The following BCKDHB variants were observed in gnomAD, a reference collection of about 807,000 sequenced individuals.
BCKDHB encodes branched chain keto acid dehydrogenase E1 subunit beta, also known as 2-oxoisovalerate dehydrogenase subunit beta, mitochondrial.
Under a neutral mutation model 48.5 loss-of-function variants are expected in BCKDHB, and 41 were observed. The observed-to-expected ratio is 0.85, with a 90% CI of 0.66 to 1.10. BCKDHB has a LOEUF of 1.10. Among genes scored for constraint, BCKDHB ranks in the 50% least tolerant of loss-of-function variants. The pLI is 0.00. For missense variants in BCKDHB, 496 were observed against 494.2 expected (o/e 1.00, Z -0.03); for synonymous variants, 201 against 174.8 (o/e 1.15, Z -1.18).
chr6:80,347,367 A>C (rs9361603), downstream of BCKDHB, among the ~76,000 whole-genome samples: 31,314 of 152,126 alleles, frequency 0.21, 3,736 homozygotes, highest in South Asian at 0.37. Flanking sequence ...TAAGATGCCA[A>C]AACTCAGTAT....
chr6:80,188,518 A>C (rs1773751623), intron 6 of BCKDHB, among the ~76,000 whole-genome samples: 1 of 152,070 alleles, frequency 6.6e-6, no homozygotes, highest in African/African-American at 2.4e-5. Flanking sequence ...GTACTCCCAT[A>C]GTGCCAGATT....
the BCKDHB span, among the ~76,000 whole-genome samples, chr6:80,367,490 T>G: frequency 6.6e-6 from 1 of 152,220 alleles, no homozygotes; most frequent in Non-Finnish European, 1.5e-5. Context: ...TTTCACTTAC[T>G]GATATGCACA....
intron 1 of BCKDHB, among the ~76,000 whole-genome samples, chr6:80,113,640 A>C (rs1480898242): frequency 1.3e-5 from 2 of 152,238 alleles, no homozygotes; most frequent in Non-Finnish European, 2.9e-5. Flanking sequence ...TGGCTTTCCA[A>C]AATACGTTAC....
At position 80,131,682 on chromosome 6, in the gene BCKDHB, G is replaced by A. The variant is rs188680517; in HGVS notation, c.343+2453G>A. ...TTTTGAGATGGAGTCTCGCTCTATC[G>A]CCCAGGCTGGAGTGCAGTGGTGCGA... On this transcript the variant is annotated intron_variant, in intron 3 of 9. Coordinates refer to ENST00000320393, the MANE Select transcript of BCKDHB (RefSeq NM_183050.4). Among the ~76,000 whole-genome samples, 268 of 150,138 alleles carry A rather than the reference G, an allele frequency of 1.8e-3. 1 individual carries two copies. Among genetic ancestry groups the A allele is most frequent in the African/African-American group, 6.2e-3 (254 of 40,734 alleles).
chr6:80,136,663 C>A (rs529381731), intron 3 of BCKDHB, among the ~76,000 whole-genome samples: 27 of 151,906 alleles, frequency 1.8e-4, no homozygotes, highest in African/African-American at 6.0e-4. Context: ...GGAAAAAAGG[C>A]AGTTCACAGA....
At chr6:80,109,757 G>T (rs1426376172) in intron 1 of BCKDHB, among the ~76,000 whole-genome samples, 1 of 152,096 alleles carries the variant, frequency 6.6e-6, no homozygotes, top group Non-Finnish European at 1.5e-5. Context: ...TACGATTATT[G>T]CATAGCTGCT....
At chr6:80,456,472 G>C in the BCKDHB span, among the ~76,000 whole-genome samples, 1 of 152,102 alleles carries the variant, frequency 6.6e-6, no homozygotes, top group South Asian at 2.1e-4. Context: ...TTAGCTGGTT[G>C]CCACTTAATC....
At chr6:80,367,074 A>G in the BCKDHB span, among the ~76,000 whole-genome samples, 1 of 152,136 alleles carries the variant, frequency 6.6e-6, no homozygotes, top group Admixed American at 6.6e-5. Flanking sequence ...TTCCCCTTCC[A>G]TTTATTGATC....
intron 8 of BCKDHB, among the ~76,000 whole-genome samples, chr6:80,233,786 A>T (rs916681880): frequency 6.6e-5 from 10 of 152,200 alleles, no homozygotes; most frequent in Admixed American, 2.6e-4. Context: ...GACTTCTAAA[A>T]GGAGCTATGA....
At chr6:80,379,752 C>T in the BCKDHB span, among the ~76,000 whole-genome samples, 134 of 111,472 alleles carry the variant, frequency 1.2e-3, 1 homozygote, top group African/African-American at 4.0e-3. Flanking sequence ...GTAAAGTCTC[C>T]GGATACGAAA....
At chr6:80,266,446 A>G (rs1777517471) in intron 8 of BCKDHB, among the ~76,000 whole-genome samples, 1 of 152,068 alleles carries the variant, frequency 6.6e-6, no homozygotes, top group African/African-American at 2.4e-5. Flanking sequence ...CTATTTACCC[A>G]TGTTTAACTA....
chr6:80,412,339 G>A, the BCKDHB span, among the ~76,000 whole-genome samples: 2 of 151,822 alleles, frequency 1.3e-5, no homozygotes, highest in East Asian at 3.9e-4. Context: ...TAGAGATGGG[G>A]TTTCACCATG....
intron 9 of BCKDHB, among the ~76,000 whole-genome samples, chr6:80,322,255 TGGTGACGGAGTCGCAC>T (rs1562228835): frequency 1.7e-4 from 23 of 131,560 alleles, no homozygotes; most frequent in Non-Finnish European, 1.6e-4. Context: ...TTTTTTTTTT[TGGTGACGGAGTCGCAC>T]TTTGTTGCCC....
At chr6:80,376,704 A>G in the BCKDHB span, among the ~76,000 whole-genome samples, 2 of 152,228 alleles carry the variant, frequency 1.3e-5, no homozygotes, top group African/African-American at 2.4e-5. Context: ...TGTAAAGAAC[A>G]TAGCATTTAC....
intron 9 of BCKDHB, among the ~76,000 whole-genome samples, chr6:80,295,919 G>A (rs967654743): frequency 6.6e-6 from 1 of 152,258 alleles, no homozygotes; most frequent in Non-Finnish European, 1.5e-5. Context: ...TTGAGTGGGG[G>A]CACAGCCAAA....
At chr6:80,292,661 GC>G (rs1028780425) in intron 9 of BCKDHB, among the ~76,000 whole-genome samples, 1 of 151,862 alleles carries the variant, frequency 6.6e-6, no homozygotes, top group Admixed American at 6.6e-5. Flanking sequence ...CTTCCCAGCA[GC>G]CCCCCAAAGT....
chr6:80,224,251 A>C (rs1775585329), intron 8 of BCKDHB, among the ~76,000 whole-genome samples: 1 of 152,098 alleles, frequency 6.6e-6, no homozygotes, highest in African/African-American at 2.4e-5. Flanking sequence ...GGCTCCCATG[A>C]GGTTTATTCT....
At chr6:80,261,376 C>T (rs1295461097) in intron 8 of BCKDHB, among the ~76,000 whole-genome samples, 1 of 152,044 alleles carries the variant, frequency 6.6e-6, no homozygotes, top group Non-Finnish European at 1.5e-5. Context: ...AAAGCATCCT[C>T]ACTGCCAGTC....
intron 1 of BCKDHB, among the ~76,000 whole-genome samples, chr6:80,125,470 A>G (rs1389770548): frequency 3.9e-5 from 6 of 152,330 alleles, no homozygotes; most frequent in East Asian, 1.9e-4. Context: ...TGCATTCACA[A>G]CTAGGCTATT....
Sources: allele counts gnomAD v4.1 joint callset (sites outside exome capture counted in the v4.1 genomes callset), GRCh38; gene constraint gnomAD v4.1.1; transcripts MANE v1.5; gene names NCBI Gene and HGNC (gene_info 2026-07-23, HGNC 2026-07-21).